The following PHF20L1 variants were observed in gnomAD, a reference collection of about 807,000 sequenced individuals.
PHF20L1 encodes the protein PHD finger protein 20-like protein 1.
Under a neutral mutation model 125.5 loss-of-function variants are expected in PHF20L1, and 44 were observed. The observed-to-expected ratio is 0.35, with a 90% CI of 0.28 to 0.45. The LOEUF (loss-of-function observed/expected upper bound fraction) is 0.45, where lower values mean the gene tolerates loss of function less well. Ranked by LOEUF, PHF20L1 falls within the 20% of genes least tolerant of loss-of-function variation. The pLI, the probability that PHF20L1 is intolerant of heterozygous loss-of-function variation, is 1.00. For synonymous variants in PHF20L1, 380 were observed against 403.1 expected, an observed-to-expected ratio of 0.94 and a Z score of 0.69; for missense variants, 1,012 against 1,217.2, an observed-to-expected ratio of 0.83 and a Z score of 2.51.
intron 13 of PHF20L1, 191 bp from the exon 14 acceptor site, chr8:132,825,073 A>G (rs369548831): frequency 1.3e-6 from 2 of 1,496,298 alleles, no homozygotes; most frequent in African/African-American, 2.8e-5. Context: ...GCTAATGAAG[A>G]TCCCCTCTTA....
chr8:132,804,160 A>G, intron 7 of PHF20L1, 128 bp downstream of exon 7: 1 of 650,052 alleles, frequency 1.5e-6, no homozygotes, highest in South Asian at 2.0e-5. Context: ...CTAGCATAAT[A>G]TGATGGCTAA....
chr8:132,818,674 C>A (rs1028044472), intron 12 of PHF20L1: 2 of 151,732 alleles, frequency 1.3e-5, no homozygotes, highest in African/African-American at 4.8e-5. Context: ...GATCTATTGT[C>A]TTTTGACTCT....
intron 9 of PHF20L1, chr8:132,812,410 G>T (rs1446885791): frequency 1.8e-5 from 18 of 984,892 alleles, no homozygotes; most frequent in Admixed American, 6.2e-5. Flanking sequence ...GTAGAGGGCA[G>T]TACCCGTCTT....
At chr8:132,816,760 C>G in intron 10 of PHF20L1, 128 bp from the exon 11 acceptor site, 2 of 660,716 alleles carry the variant, frequency 3.0e-6, no homozygotes, top group South Asian at 2.0e-5. Flanking sequence ...ACATGCCATT[C>G]CTTGTGGATA....
At position 132,825,340 on chromosome 8, in the gene PHF20L1, GA is replaced by G. The variant is rs772333737; in HGVS notation, c.1721del (p.Lys574ArgfsTer28). On this transcript the variant is annotated frameshift_variant, in exon 14 of 21. Coordinates refer to ENST00000395386, the MANE Select transcript of PHF20L1 (RefSeq NM_016018.5). LOFTEE classifies it high-confidence loss of function. ...ACTACAGACCAAAACAGAAGAAGAA[GA>G]AAAAAAAGAAAAAGAAATCTAAGCA... The part of the protein sequence containing the change: ...DHYRPKQKKK[K>X]KKKKKSKQHD... 8 of 1,473,656 alleles carry G rather than the reference GA, an allele frequency of 5.4e-6. No homozygotes were observed. In the Admixed American group the frequency reaches 6.4e-5, roughly 12 times the overall value. The allele number at this position is 1,473,656 out of a possible 1,614,324, so 91.3% of individuals were successfully genotyped here. A position where few individuals can be genotyped will look rare whatever the true frequency, so the allele number is the denominator to read the frequency against.
In PHF20L1 at chr8:132,842,535, T is replaced by G; in HGVS notation, c.2408T>G (p.Leu803Arg). 1 of 1,605,592 alleles carries G rather than the reference T, an allele frequency of 6.2e-7. No homozygotes were observed. The highest frequency in any genetic ancestry group is 8.5e-7 in the Non-Finnish European group (1 of 1,177,516). The change falls in exon 19 of 21, where the codon CTT (leucine) becomes CGT (arginine). Residue 803 changes from leucine (L) to arginine (R), a missense_variant. This residue lies in a region of PHF20L1 where 277 missense variants were observed against 283.6 expected (regional missense o/e 0.98). Coordinates refer to ENST00000395386, the MANE Select transcript of PHF20L1 (RefSeq NM_016018.5). ...GILKNKHHPD[L>R]HLWACSGKRK... ...TTAAGGAATAAACATCATCCTGACCTTCATCTCTGGGCTTGTTCCGGGAAG... is the reference window on the plus strand; with the variant it reads ...TTAAGGAATAAACATCATCCTGACCGTCATCTCTGGGCTTGTTCCGGGAAG...
chr8:132,839,004 A>G (rs768923855), intron 17 of PHF20L1, among the ~76,000 whole-genome samples: 13 of 152,126 alleles, frequency 8.5e-5, no homozygotes, highest in Non-Finnish European at 1.9e-4. Context: ...CTCAGCTAGA[A>G]CTCTATGGTT....
chr8:132,807,964 A>G (rs1203001821), intron 8 of PHF20L1: 1 of 227,016 alleles, frequency 4.4e-6, no homozygotes, highest in Non-Finnish European at 8.8e-6. Context: ...CTTTCAGTTA[A>G]TTCTTCTCAT....
At position 132,804,754 on chromosome 8, in the gene PHF20L1, AT is replaced by A. The variant is rs535937611; in HGVS notation, c.847+24del. 4,999 of 1,413,680 alleles carry A rather than the reference AT, an allele frequency of 3.5e-3. No homozygotes were observed. Among genetic ancestry groups the A allele is most frequent in the South Asian group, 6.4e-3 (469 of 73,758 alleles). The allele number at this position is 1,413,680 out of a possible 1,614,324, so 87.6% of individuals were successfully genotyped here. ...ACAAGATTACTGGTAAACTACAATG[AT>A]TTTTTTTTTGAGGGGGGGAAATGGA... is the stretch of plus-strand genomic sequence containing the variant. On this transcript the variant is annotated intron_variant, in intron 8 of 20. Transcript: ENST00000395386.
At chr8:132,786,500 ATTG>A in intron 2 of PHF20L1, among the ~76,000 whole-genome samples, 1 of 152,192 alleles carries the variant, frequency 6.6e-6, no homozygotes, top group East Asian at 1.9e-4. Context: ...TGATTTTTGT[ATTG>A]TTTTATCTGT....
At chr8:132,825,204 C>T in intron 13 of PHF20L1, 60 bp from the exon 14 acceptor site, 1 of 1,581,396 alleles carries the variant, frequency 6.3e-7, no homozygotes, top group Non-Finnish European at 8.6e-7. Flanking sequence ...TTTAGGTTAA[C>T]CACAAAGGAA....
intron 12 of PHF20L1, chr8:132,817,833 T>C: frequency 3.9e-6 from 1 of 259,622 alleles, no homozygotes; most frequent in Non-Finnish European, 7.3e-6. Context: ...AAATATAAAT[T>C]ATTAGAGCCA....
intron 18 of PHF20L1, chr8:132,841,771 A>G (rs543606565): frequency 9.9e-5 from 15 of 152,148 alleles, no homozygotes; most frequent in African/African-American, 3.6e-4. Flanking sequence ...TGTGCATGTT[A>G]TCCAGCAATC....
rs757172634 is a variant in PHF20L1, at chr8:132,842,773, A to G, written c.2646A>G (p.Ser882=). The G allele has an allele frequency of 1.7e-5, 27 of 1,613,404 alleles. No homozygotes were observed. In the East Asian group the frequency reaches 3.6e-4, roughly 21 times the overall value. Residue 882 remains serine (S), a synonymous_variant, in exon 19 of 21, where the codon TCA becomes TCG. Coordinates refer to ENST00000395386, the MANE Select transcript of PHF20L1 (RefSeq NM_016018.5). ...DCKSLADPGS[S]DDDDVSSLEE... The stretch of plus-strand genomic sequence containing the variant: ...AATCTCTCGCAGACCCTGGGAGCTC[A>G]GATGATGATGATGTTAGTAGTTTGG...
intron 14 of PHF20L1, among the ~76,000 whole-genome samples, chr8:132,828,200 T>G (rs188668403): frequency 6.6e-6 from 1 of 152,154 alleles, no homozygotes; most frequent in Admixed American, 6.5e-5. Flanking sequence ...CCACTCAACA[T>G]TATTTTATAT....
At chr8:132,811,240 CTAAT>C in intron 9 of PHF20L1, 112 bp downstream of exon 9, 1 of 1,499,160 alleles carries the variant, frequency 6.7e-7, no homozygotes, top group South Asian at 1.3e-5. Context: ...GAATAGGAAG[CTAAT>C]TAATTGATGA....
In PHF20L1 at chr8:132,804,631, C is replaced by G; in HGVS notation, c.738C>G (p.Asn246Lys). The stretch of plus-strand genomic sequence containing the variant: ...TGAAAGTAGGACTTCATGTAGAGAA[C>G]GTTCCAAAGATGGTCTTTCCACAGC... ...SSETFGLHVE[N>K]VPKMVFPQPE... is the part of the protein sequence containing the mutation. Residue 246 changes from asparagine to lysine, a missense_variant, in exon 8 of 21, where the codon AAC becomes AAG. This residue lies in a region of PHF20L1 where 134 missense variants were observed against 145.9 expected (regional missense o/e 0.92). Transcript: ENST00000395386. 1 of 1,605,824 alleles carries G rather than the reference C, an allele frequency of 6.2e-7. No individual in the cohort carries two copies. Among genetic ancestry groups the G allele is most frequent in the South Asian group, 1.1e-5 (1 of 90,848 alleles).
intron 18 of PHF20L1, chr8:132,841,416 G>A (rs1837922256): frequency 6.6e-6 from 1 of 151,868 alleles, no homozygotes; most frequent in South Asian, 2.1e-4. Flanking sequence ...AGTATTTTCT[G>A]AATATTAAAC....
intron 10 of PHF20L1, chr8:132,815,791 CTTT>C (rs1834911649): frequency 6.6e-6 from 1 of 151,496 alleles, no homozygotes; most frequent in African/African-American, 2.4e-5. Context: ...TTTGCTTTTT[CTTT>C]TTAATAGGTG....
Sources: allele counts gnomAD v4.1 joint callset (sites outside exome capture counted in the v4.1 genomes callset), GRCh38; gene constraint gnomAD v4.1.1; regional missense constraint gnomAD v4.1.1; transcripts MANE v1.5; gene names NCBI Gene and HGNC (gene_info 2026-07-23, HGNC 2026-07-21).